Variants in SNRPN observed in about 807,000 individuals in gnomAD.
SNRPN encodes small nuclear ribonucleoprotein-associated protein N.
In SNRPN, 7 loss-of-function variants were observed where a neutral mutation model predicts 25.2. The ratio of observed to expected loss-of-function variants is 0.28; its 90% CI spans 0.16 to 0.52. The LOEUF is 0.52. Ranked by LOEUF, SNRPN falls within the 20% of genes least tolerant of loss-of-function variation. SNRPN has a pLI of 0.96. For missense variants in SNRPN, 196 were observed against 322.5 expected, an observed-to-expected ratio of 0.61 and a Z score of 3.00; for synonymous variants, 124 against 110.6, an observed-to-expected ratio of 1.12 and a Z score of -0.76.
intron 2 of SNRPN, among the ~76,000 whole-genome samples, chr15:24,902,345 T>C (rs981609693): frequency 1.3e-5 from 2 of 152,198 alleles, no homozygotes; most frequent in African/African-American, 4.8e-5. Context: ...CAGGGAATGC[T>C]ATCTAGAGGA....
At chr15:24,906,852 C>A (rs1333679358) in intron 2 of SNRPN, among the ~76,000 whole-genome samples, 2 of 152,052 alleles carry the variant, frequency 1.3e-5, no homozygotes, top group African/African-American at 4.8e-5. Flanking sequence ...TAGGTTTTTT[C>A]TTTTCTGACG....
chr15:24,937,438 G>A (rs12912642), intron 3 of SNRPN, among the ~76,000 whole-genome samples: 51,369 of 151,850 alleles, frequency 0.34, 9,071 homozygotes, highest in East Asian at 0.5. Context: ...GGAGGCTGAG[G>A]TGGGAGGACT....
upstream of SNRPN, among the ~76,000 whole-genome samples, chr15:24,950,028 A>C (rs1389525032): frequency 6.6e-6 from 1 of 151,940 alleles, no homozygotes; most frequent in East Asian, 1.9e-4. Flanking sequence ...GAGTCTTGCT[A>C]TCAGGGAGAT....
chr15:24,977,645 A>G (rs549915278), intron 7 of SNRPN, 133 bp from the exon 8 acceptor site: 5 of 892,244 alleles, frequency 5.6e-6, no homozygotes, highest in Non-Finnish European at 8.0e-6. Flanking sequence ...TCAAAAAAAA[A>G]CATGGGAATA....
chr15:24,960,059 G>A (rs1450009602), intron 1 of SNRPN, among the ~76,000 whole-genome samples: 2 of 152,080 alleles, frequency 1.3e-5, no homozygotes, highest in Non-Finnish European at 2.9e-5. Flanking sequence ...GAGGGCAGGA[G>A]CTCGACATCA....
intron 2 of SNRPN, among the ~76,000 whole-genome samples, chr15:24,833,576 C>T (rs991475603): frequency 1.3e-5 from 2 of 151,974 alleles, no homozygotes; most frequent in Non-Finnish European, 2.9e-5. Context: ...AGGGAGGGAA[C>T]CACAAAAGAA....
chr15:24,893,596 T>C (rs1226169219), intron 2 of SNRPN, among the ~76,000 whole-genome samples: 1 of 152,100 alleles, frequency 6.6e-6, no homozygotes, highest in African/African-American at 2.4e-5. Flanking sequence ...CCAGCCTGGG[T>C]GACAGAGCAA....
intron 3 of SNRPN, among the ~76,000 whole-genome samples, chr15:24,934,959 A>G (rs530943999): frequency 6.6e-6 from 1 of 152,204 alleles, no homozygotes; most frequent in South Asian, 2.1e-4. Flanking sequence ...TTCATCACAG[A>G]GGTTTCAGTC....
intron 2 of SNRPN, among the ~76,000 whole-genome samples, chr15:24,847,484 T>C (rs2052309743): frequency 6.6e-6 from 1 of 151,964 alleles, no homozygotes; most frequent in East Asian, 1.9e-4. Flanking sequence ...CTACTAAAAA[T>C]ACAAAAATTA....
At chr15:24,871,377 A>C (rs2055107056) in intron 1 of SNRPN, among the ~76,000 whole-genome samples, 1 of 151,842 alleles carries the variant, frequency 6.6e-6, no homozygotes, top group Admixed American at 6.6e-5. Context: ...TAATCTGTTT[A>C]CTATCTCTAT....
At position 24,929,874 on chromosome 15, in the gene SNRPN, C is replaced by T. The variant is rs947701274; in HGVS notation, c.-391+9750C>T. ...TTTGCTCAAAGAATCAACCTGAACACATGTACATCTATTATGTATCAATAA... is the reference window on the plus strand; with the variant it reads ...TTTGCTCAAAGAATCAACCTGAACATATGTACATCTATTATGTATCAATAA... On this transcript the variant is annotated intron_variant, in intron 3 of 11. Coordinates refer to the SNRPN transcript ENST00000400097. This position sits in a 1 kb window ranked among gnomAD's most constrained non-coding sequence, Gnocchi z 5.3. Among the ~76,000 whole-genome samples the T allele has an allele frequency of 2.6e-5, 4 of 152,120 alleles. No individual in the cohort carries two copies. Among genetic ancestry groups the T allele is most frequent in the African/African-American group, 9.7e-5 (4 of 41,418 alleles).
At chr15:24,847,725 C>G (rs2052333681) in intron 2 of SNRPN, among the ~76,000 whole-genome samples, 1 of 152,166 alleles carries the variant, frequency 6.6e-6, no homozygotes, top group Non-Finnish European at 1.5e-5. Context: ...AGTCCTGGCC[C>G]ATGCCCACTT....
chr15:24,826,532 C>A (rs1039186121), intron 1 of SNRPN, among the ~76,000 whole-genome samples: 2 of 152,080 alleles, frequency 1.3e-5, no homozygotes, highest in Non-Finnish European at 2.9e-5. Flanking sequence ...AGTTTTTCTG[C>A]AGTATTTGGA....
chr15:24,974,337 C>T lies in SNRPN; in HGVS notation c.-117C>T, dbSNP rs1359902221. On this transcript the variant is annotated 5_prime_UTR_variant, in exon 4 of 10. Transcript: ENST00000390687. ...CTCCATCTACTCTTTGAAGCTTCTG[C>T]CCAGCTTGCATTGTTTCTAGGAGAA... 3 of 908,244 alleles carry T rather than the reference C, an allele frequency of 3.3e-6. No homozygotes were observed. The highest frequency in any genetic ancestry group is 5.6e-6 in the Non-Finnish European group (3 of 539,866). 56.3% of individuals were successfully genotyped at this position (908,244 alleles called of 1,614,324 possible).
chr15:24,883,440 C>T (rs1410943108), intron 1 of SNRPN, among the ~76,000 whole-genome samples: 1 of 151,418 alleles, frequency 6.6e-6, no homozygotes, highest in Admixed American at 6.6e-5. Context: ...CACTGGGTGG[C>T]TCAGGGCCAG....
At position 24,903,594 on chromosome 15, in the gene SNRPN, A is replaced by G. The variant is rs532601125; in HGVS notation, c.-504-16417A>G. Among the ~76,000 whole-genome samples the G allele has an allele frequency of 4.6e-5, 7 of 152,290 alleles. No homozygotes were observed. In the South Asian group the frequency reaches 1.5e-3, roughly 32 times the overall value. On this transcript the variant is annotated intron_variant, in intron 2 of 11. Transcript: ENST00000400097. ...ATTCATGCTTTCCAATGGAAACTTC[A>G]TTTGGTTTATAGGATTCAGGATTGT...
At chr15:24,892,570 C>T (rs2057761207) in intron 2 of SNRPN, among the ~76,000 whole-genome samples, 1 of 152,184 alleles carries the variant, frequency 6.6e-6, no homozygotes, top group East Asian at 1.9e-4. Context: ...AACCCTATCT[C>T]TACTAAAAAT....
At chr15:24,918,976 T>C (rs1453448969) in intron 2 of SNRPN, among the ~76,000 whole-genome samples, 1 of 123,022 alleles carries the variant, frequency 8.1e-6, no homozygotes, top group Non-Finnish European at 1.7e-5. Flanking sequence ...CATATATATA[T>C]AACATAATAT....
At chr15:24,884,004 T>TAAAAA (rs34950476) in intron 1 of SNRPN, among the ~76,000 whole-genome samples, 2 of 127,152 alleles carry the variant, frequency 1.6e-5, no homozygotes, top group African/African-American at 2.9e-5. Context: ...CCACTCTGTC[T>TAAAAA]AAAAAAAAAA....
Sources: gnomAD v4.1 joint callset for allele counts (sites outside exome capture counted in the v4.1 genomes callset) on GRCh38, gnomAD v4.1.1 for gene constraint, Gnocchi (gnomAD v3.1) non-coding constraint, MANE v1.5 for transcripts, NCBI Gene and HGNC (gene_info 2026-07-23, HGNC 2026-07-21) for gene names.